Variants in TBC1D5 observed in about 807,000 individuals in gnomAD.
The protein encoded by TBC1D5 is TBC1 domain family, member 5.
A neutral mutation model predicts 100.3 loss-of-function variants in TBC1D5; 75 were observed. The observed-to-expected ratio is 0.75, with a 90% confidence interval of 0.62 to 0.91. The LOEUF is 0.91. Ranked by LOEUF, TBC1D5 falls within the 40% of genes least tolerant of loss-of-function variation. The pLI, the probability that TBC1D5 is intolerant of heterozygous loss-of-function variation, is 0.00. For synonymous variants in TBC1D5, 323 were observed against 325.6 expected (o/e 0.99, Z 0.09); for missense variants, 910 against 942.4 (o/e 0.97, Z 0.45).
At chr3:17,513,161 A>G (rs971707290) in intron 2 of TBC1D5, among the ~76,000 whole-genome samples, 3 of 151,980 alleles carry the variant, frequency 2.0e-5, no homozygotes, top group African/African-American at 4.8e-5. Flanking sequence ...GTGAAACTCC[A>G]TCTCAACTAA....
intron 3 of TBC1D5, among the ~76,000 whole-genome samples, chr3:17,506,916 T>C (rs1645852160): frequency 6.6e-6 from 1 of 152,168 alleles, no homozygotes; most frequent in Non-Finnish European, 1.5e-5. Context: ...CTTGGGAGGC[T>C]GAGGCAGGAG....
chr3:17,701,434 C>T (rs764513707), intron 1 of TBC1D5, among the ~76,000 whole-genome samples: 4 of 151,974 alleles, frequency 2.6e-5, no homozygotes, highest in Admixed American at 1.3e-4. Flanking sequence ...ATGTATCAAA[C>T]CTGCACATTC....
intron 13 of TBC1D5, among the ~76,000 whole-genome samples, chr3:17,344,811 T>C (rs1383388404): frequency 6.6e-6 from 1 of 152,152 alleles, no homozygotes; most frequent in Non-Finnish European, 1.5e-5. Flanking sequence ...AAACAAGCAA[T>C]GGAGAAAGGA....
intron 2 of TBC1D5, among the ~76,000 whole-genome samples, chr3:17,560,253 G>A (rs1305209118): frequency 6.6e-6 from 1 of 152,168 alleles, no homozygotes; most frequent in Non-Finnish European, 1.5e-5. Context: ...AACAACTCAG[G>A]TACTTCAGTG....
chr3:17,178,205 A>T (rs1413066643), intron 19 of TBC1D5, among the ~76,000 whole-genome samples: 1 of 151,748 alleles, frequency 6.6e-6, no homozygotes, highest in African/African-American at 2.4e-5. Context: ...AGCTGGGACT[A>T]CATGCGCCCA....
At chr3:17,601,876 C>A (rs544463903) in intron 2 of TBC1D5, among the ~76,000 whole-genome samples, 2 of 152,216 alleles carry the variant, frequency 1.3e-5, no homozygotes, top group African/African-American at 4.8e-5. Context: ...GTTGCCCAGG[C>A]TGGAGTGCAG....
At chr3:17,374,793 T>C in intron 10 of TBC1D5, 114 bp from the exon 11 acceptor site, 2 of 1,014,016 alleles carry the variant, frequency 2.0e-6, no homozygotes, top group Non-Finnish European at 2.9e-6. Context: ...CGAAAAAAAT[T>C]AGTCTTTTTT....
chr3:17,516,929 T>G (rs559241197), intron 2 of TBC1D5, among the ~76,000 whole-genome samples: 6 of 152,242 alleles, frequency 3.9e-5, no homozygotes, highest in African/African-American at 9.6e-5. Context: ...CAGCTCATTG[T>G]CTCTTTAGGT....
chr3:17,714,525 C>A (rs2075055869), intron 1 of TBC1D5, among the ~76,000 whole-genome samples: 1 of 152,208 alleles, frequency 6.6e-6, no homozygotes, highest in African/African-American at 2.4e-5. Context: ...GAGAGACATT[C>A]TTCTTCTGTT....
At chr3:17,485,617 T>C (rs1278553182) in intron 3 of TBC1D5, among the ~76,000 whole-genome samples, 1 of 151,972 alleles carries the variant, frequency 6.6e-6, no homozygotes. Context: ...TTGCAATAGT[T>C]TGCTGAGAAT....
At chr3:17,389,541 C>T (rs907739917) in intron 8 of TBC1D5, among the ~76,000 whole-genome samples, 2 of 152,064 alleles carry the variant, frequency 1.3e-5, no homozygotes, top group East Asian at 3.9e-4. Context: ...AAAAGGCCAT[C>T]GCGGGTGTTC....
intron 2 of TBC1D5, among the ~76,000 whole-genome samples, chr3:17,534,324 C>T (rs747331028): frequency 7.9e-5 from 12 of 152,044 alleles, no homozygotes; most frequent in Non-Finnish European, 1.2e-4. Flanking sequence ...CAATCAGATA[C>T]ATAAAAAGAT....
At chr3:17,341,979 T>TA (rs552709315) in intron 13 of TBC1D5, among the ~76,000 whole-genome samples, 48 of 152,318 alleles carry the variant, frequency 3.2e-4, no homozygotes, top group South Asian at 2.3e-3. Context: ...ACTCCACTGC[T>TA]ATTGACCTTA....
chr3:17,236,761 TGAA>T (rs2075889828), intron 17 of TBC1D5, among the ~76,000 whole-genome samples: 1 of 152,164 alleles, frequency 6.6e-6, no homozygotes, highest in African/African-American at 2.4e-5. Context: ...ATTACATGCG[TGAA>T]CCACCATGCC....
chr3:17,441,941 A>G (rs993349100), intron 3 of TBC1D5, among the ~76,000 whole-genome samples: 13 of 152,210 alleles, frequency 8.5e-5, no homozygotes, highest in Non-Finnish European at 1.2e-4. Flanking sequence ...CCACTGCAGC[A>G]TATTTCTCCC....
intron 2 of TBC1D5, among the ~76,000 whole-genome samples, chr3:17,597,116 T>C (rs2060624708): frequency 1.3e-5 from 2 of 152,350 alleles, no homozygotes; most frequent in African/African-American, 4.8e-5. Flanking sequence ...CTGTAGTTTT[T>C]AAATTATTGC....
intron 15 of TBC1D5, among the ~76,000 whole-genome samples, chr3:17,287,020 A>T (rs916651228): frequency 6.6e-6 from 1 of 152,242 alleles, no homozygotes; most frequent in African/African-American, 2.4e-5. Flanking sequence ...ATATGACAGT[A>T]GTAACAGGAT....
At chr3:17,290,273 T>C (rs558385669) in intron 15 of TBC1D5, among the ~76,000 whole-genome samples, 18 of 152,328 alleles carry the variant, frequency 1.2e-4, no homozygotes, top group African/African-American at 3.6e-4. Context: ...CACGACTTTA[T>C]TGAGATAAAA....
At chr3:17,285,245 ATTCTTTTT>A (rs1214586247) in intron 15 of TBC1D5, among the ~76,000 whole-genome samples, 3 of 122,040 alleles carry the variant, frequency 2.5e-5, no homozygotes, top group African/African-American at 9.7e-5. Context: ...TGGATTTTAG[ATTCTTTTT>A]TTTTTTTTTT....
Sources: gnomAD v4.1 joint callset for allele counts (sites outside exome capture counted in the v4.1 genomes callset) on GRCh38, gnomAD v4.1.1 for gene constraint, MANE v1.5 for transcripts, NCBI Gene and HGNC (gene_info 2026-07-23, HGNC 2026-07-21) for gene names.